The following PHACTR1 variants were observed in gnomAD, a reference collection of about 807,000 sequenced individuals.
PHACTR1 encodes RPEL repeat containing 1.
PHACTR1 carries 16 observed loss-of-function variants against 69.2 expected under a neutral mutation model. The ratio of observed to expected loss-of-function variants is 0.23; its 90% CI spans 0.16 to 0.35. The LOEUF is 0.35. Ranked by LOEUF, PHACTR1 falls within the 10% of genes least tolerant of loss-of-function variation. The probability of loss-of-function intolerance (pLI) is 1.00; values close to 1 mark genes in which losing one functional copy is unlikely to be tolerated. For missense variants in PHACTR1, 510 were observed against 734.7 expected (o/e 0.69, Z 3.54); for synonymous variants, 312 against 284.5 (o/e 1.10, Z -0.97).
chr6:13,283,810 G>A lies in PHACTR1; in HGVS notation c.1650+248G>A, dbSNP rs1221436493. 2 of 529,682 alleles carry A rather than the reference G, an allele frequency of 3.8e-6. No homozygotes were observed. The highest frequency in any genetic ancestry group is 6.7e-6 in the Non-Finnish European group (2 of 296,938). 32.8% of individuals were successfully genotyped at this position (529,682 alleles called of 1,614,324 possible). On this transcript the variant is annotated intron_variant, in intron 13 of 14. Coordinates refer to ENST00000332995, the MANE Select transcript of PHACTR1 (RefSeq NM_030948.6). This position sits in a 1 kb window ranked among gnomAD's most constrained non-coding sequence, Gnocchi z 4.7. ...TACAGGAGGAGGAGCAGCAGCCTGG[G>A]AGGCTGTGCCCAGAGAAAGAGAATA...
Position 12,905,105 on chromosome 6 carries a change from A to G in PHACTR1, c.251-148260A>G, listed in dbSNP as rs1274593799. 1.3e-5 allele frequency among the ~76,000 whole-genome samples: 2 copies of G among 152,142 alleles called. 1 individual carries two copies. The highest frequency in any genetic ancestry group is 4.8e-5 in the African/African-American group (2 of 41,436). ...CCTGGGGAACTTTTGAAAAATTATG[A>G]TGCCTGGTCCCAACCCCATGGAGCC... is the stretch of plus-strand genomic sequence containing the variant. On this transcript the variant is annotated intron_variant, in intron 4 of 14. Transcript: ENST00000332995.
intron 5 of PHACTR1, among the ~76,000 whole-genome samples, chr6:13,110,381 T>A (rs1406722064): frequency 6.6e-6 from 1 of 152,216 alleles, no homozygotes; most frequent in Admixed American, 6.5e-5. Context: ...CTGGGATCTG[T>A]GCACAATGCT....
intron 5 of PHACTR1, among the ~76,000 whole-genome samples, chr6:13,080,868 GA>G (rs1170276179): frequency 2.6e-5 from 4 of 151,176 alleles, no homozygotes; most frequent in South Asian, 2.1e-4. Flanking sequence ...TTTCGTAAAA[GA>G]AAAAAAAAGT....
chr6:13,277,578 A>C (rs921443103), intron 11 of PHACTR1, among the ~76,000 whole-genome samples: 3 of 152,190 alleles, frequency 2.0e-5, no homozygotes, highest in African/African-American at 7.2e-5. Flanking sequence ...ACAAAGAATG[A>C]GTGAGCCCCA....
At chr6:12,954,714 T>C (rs376193495) in intron 4 of PHACTR1, among the ~76,000 whole-genome samples, 4 of 152,244 alleles carry the variant, frequency 2.6e-5, no homozygotes, top group African/African-American at 9.6e-5. Context: ...GAATCTTTAA[T>C]ACTATTTCAA....
intron 4 of PHACTR1, among the ~76,000 whole-genome samples, chr6:13,018,455 C>T (rs1224291505): frequency 7.2e-5 from 11 of 152,096 alleles, no homozygotes; most frequent in Admixed American, 7.2e-4. Flanking sequence ...TGGTACAAAG[C>T]ATTTAGCATG....
intron 5 of PHACTR1, among the ~76,000 whole-genome samples, chr6:13,155,004 T>C (rs1374314881): frequency 6.6e-6 from 1 of 152,148 alleles, no homozygotes; most frequent in East Asian, 1.9e-4. Context: ...CCAGGTCCAA[T>C]GGTTGTCCCT....
At chr6:13,070,808 C>G (rs1353152458) in intron 5 of PHACTR1, among the ~76,000 whole-genome samples, 1 of 139,392 alleles carries the variant, frequency 7.2e-6, no homozygotes, top group Non-Finnish European at 1.6e-5. Context: ...AATTTGCCTG[C>G]TTAAAAAAAA....
intron 4 of PHACTR1, among the ~76,000 whole-genome samples, chr6:13,012,599 T>C (rs956248162): frequency 5.3e-5 from 8 of 152,194 alleles, no homozygotes; most frequent in Admixed American, 4.6e-4. Flanking sequence ...TGAAGTCACC[T>C]GGGGAGCTTG....
At chr6:12,902,537 C>G (rs1785315120) in intron 4 of PHACTR1, among the ~76,000 whole-genome samples, 2 of 152,178 alleles carry the variant, frequency 1.3e-5, no homozygotes, top group Non-Finnish European at 2.9e-5. Context: ...GATGAACATA[C>G]AACATCTCCT....
rs1382304724 is a variant in PHACTR1 at position 12,753,959 on chromosome 6, TATATATA to T, written c.250+4170_250+4176del. On this transcript the variant is annotated intron_variant, in intron 4 of 14. Coordinates refer to ENST00000332995, the MANE Select transcript of PHACTR1 (RefSeq NM_030948.6). Reference sequence around the variant, plus strand: ...CAAGTTGTAAATATATATATATATATATATATATATATTTTTTTTTTGAGACAGAGTC... The same window carrying T: ...CAAGTTGTAAATATATATATATATATTATATTTTTTTTTTGAGACAGAGTC... Among the ~76,000 whole-genome samples the T allele has an allele frequency of 4.3e-4, 45 of 104,610 alleles. 1 individual carries two copies. Among genetic ancestry groups the T allele is most frequent in the African/African-American group, 1.1e-3 (33 of 31,022 alleles). The allele number at this position is 104,610 out of a possible 152,430, so 68.6% of individuals were successfully genotyped here.
chr6:13,017,461 A>G (rs970127805), intron 4 of PHACTR1, among the ~76,000 whole-genome samples: 1 of 152,152 alleles, frequency 6.6e-6, no homozygotes, highest in African/African-American at 2.4e-5. Context: ...CCTACTTGAT[A>G]GAGAGGCTGA....
chr6:13,085,991 T>C (rs1337579697), intron 5 of PHACTR1, among the ~76,000 whole-genome samples: 1 of 131,122 alleles, frequency 7.6e-6, no homozygotes, highest in Non-Finnish European at 1.6e-5. Context: ...ATAAGATCCA[T>C]AAAGCCTAAA....
intron 5 of PHACTR1, among the ~76,000 whole-genome samples, chr6:13,151,106 TA>T (rs1222140911): frequency 1.3e-5 from 2 of 152,340 alleles, no homozygotes; most frequent in East Asian, 3.9e-4. Context: ...TTACAAAGGA[TA>T]AAAGCTATAG....
At chr6:13,088,750 T>C (rs1463233525) in intron 5 of PHACTR1, among the ~76,000 whole-genome samples, 2 of 152,136 alleles carry the variant, frequency 1.3e-5, no homozygotes, top group African/African-American at 4.8e-5. Context: ...CTTGTCCCCA[T>C]AGTCACCTTG....
chr6:13,191,654 C>G (rs1763616517), intron 7 of PHACTR1, among the ~76,000 whole-genome samples: 1 of 152,164 alleles, frequency 6.6e-6, no homozygotes, highest in Non-Finnish European at 1.5e-5. Flanking sequence ...AAGTCTGGCT[C>G]TGGACTGGCT....
At chr6:13,114,264 A>AT (rs1817485043) in intron 5 of PHACTR1, among the ~76,000 whole-genome samples, 1 of 151,806 alleles carries the variant, frequency 6.6e-6, no homozygotes. Context: ...CTTTCTAAAA[A>AT]CTCCGTGTTT....
intron 4 of PHACTR1, among the ~76,000 whole-genome samples, chr6:13,027,216 A>G (rs1801819627): frequency 6.6e-6 from 1 of 152,178 alleles, no homozygotes; most frequent in African/African-American, 2.4e-5. Context: ...TGCTTGCTTA[A>G]GGATATTCAG....
chr6:12,976,491 C>T (rs1469323538), intron 4 of PHACTR1, among the ~76,000 whole-genome samples: 1 of 152,194 alleles, frequency 6.6e-6, no homozygotes, highest in East Asian at 1.9e-4. Flanking sequence ...AAAGTGTTCT[C>T]ATATGTGTCC....
Sources: gnomAD v4.1 joint callset for allele counts (sites outside exome capture counted in the v4.1 genomes callset) on GRCh38, gnomAD v4.1.1 for gene constraint, Gnocchi (gnomAD v3.1) non-coding constraint, MANE v1.5 for transcripts, NCBI Gene and HGNC (gene_info 2026-07-23, HGNC 2026-07-21) for gene names.